Variants in RERGL observed in about 807,000 individuals in gnomAD.
The protein encoded by RERGL is RERG like.
In RERGL, 22 loss-of-function variants were observed where a neutral mutation model predicts 24.7. The ratio of observed to expected loss-of-function variants is 0.89; its 90% confidence interval spans 0.64 to 1.27. RERGL has a LOEUF of 1.27. Among genes scored for constraint, RERGL ranks in the 50% most tolerant of loss-of-function variants. The probability of loss-of-function intolerance (pLI) is 0.00; values close to 1 mark genes in which losing one functional copy is unlikely to be tolerated. For synonymous variants in RERGL, 76 were observed against 82.6 expected (o/e 0.92, Z 0.43); for missense variants, 259 against 235.3 (o/e 1.10, Z -0.66).
intron 3 of RERGL, 78 bp downstream of exon 3, chr12:18,085,542 C>A: frequency 3.2e-6 from 3 of 948,580 alleles, no homozygotes; most frequent in Middle Eastern, 3.0e-4. Flanking sequence ...CACTTACCCC[C>A]ATATAATCTT....
chr12:18,084,753 C>A, intron 3 of RERGL, 88 bp from the exon 4 acceptor site: 1 of 1,056,534 alleles, frequency 9.5e-7, no homozygotes, highest in South Asian at 1.8e-5. Context: ...AGACCCACTT[C>A]CGCTGGAAGA....
intron 1 of RERGL, chr12:18,089,523 C>T: frequency 2.2e-6 from 1 of 456,288 alleles, no homozygotes. Context: ...TATAATGTGA[C>T]CGAAACCAAA....
In RERGL at chr12:18,081,258, G is replaced by C. The variant is rs1947167762; in HGVS notation, c.548C>G (p.Pro183Arg). 7 of 1,613,048 alleles carry C rather than the reference G, an allele frequency of 4.3e-6. No individual in the cohort carries two copies. The highest frequency in any genetic ancestry group is 1.3e-5 in the African/African-American group (1 of 74,884). The stretch of plus-strand genomic sequence containing the variant: ...TTTGGCCATTGATTTAGATCCACTG[G>C]GACGTCTCTTTTCTTTGAGTTTGAA... ...INFKLKEKRRPSGSKSMAKLI... is the reference protein window; with the variant it reads ...INFKLKEKRRRSGSKSMAKLI... The change falls in exon 5 of 5, where the codon CCC (proline) becomes CGC (arginine). Residue 183 changes from proline to arginine, a missense_variant. Coordinates refer to ENST00000538724, the MANE Select transcript of RERGL (RefSeq NM_001286201.2).
chr12:18,089,092 G>C (rs1411642006), intron 1 of RERGL, 136 bp from the exon 2 acceptor site: 1 of 1,118,540 alleles, frequency 8.9e-7, no homozygotes, highest in East Asian at 2.4e-5. Flanking sequence ...ACCAAATTCT[G>C]TTCTAAATAG....
In RERGL at chr12:18,090,096, G is replaced by T. The variant is rs1349797518; in HGVS notation, c.45C>A (p.Gly15=). 2 of 1,532,250 alleles carry T rather than the reference G, an allele frequency of 1.3e-6. No individual in the cohort carries two copies. The highest frequency in any genetic ancestry group is 2.5e-5 in the East Asian group (1 of 40,640). 94.9% of individuals were successfully genotyped at this position (1,532,250 alleles called of 1,614,324 possible). Reference sequence around the variant, plus strand: ...GAAGATGTCACCACTCACCAGATTTGCCTGTTCCTTCACCACCCAAGACAG... The same window carrying T: ...GAAGATGTCACCACTCACCAGATTTTCCTGTTCCTTCACCACCCAAGACAG... ...KLAVLGGEGT[G]KSALTVRFLT... The change falls in exon 1 of 5, where the codon GGC becomes GGA. Residue 15 remains glycine, a synonymous_variant. Coordinates refer to ENST00000538724, the MANE Select transcript of RERGL (RefSeq NM_001286201.2).
intron 2 of RERGL, among the ~76,000 whole-genome samples, chr12:18,087,500 T>A (rs888545041): frequency 3.3e-5 from 5 of 152,198 alleles, no homozygotes; most frequent in African/African-American, 1.2e-4. Flanking sequence ...CTCACATTTT[T>A]AGAATTGTAT....
At chr12:18,085,449 A>G (rs1291688474) in intron 3 of RERGL, among the ~76,000 whole-genome samples, 171 bp downstream of exon 3, 1 of 152,224 alleles carries the variant, frequency 6.6e-6, no homozygotes, top group Middle Eastern at 3.2e-3. Context: ...GGAACTGACA[A>G]CACTAGAAAG....
chr12:18,087,119 T>C (rs997875964), intron 2 of RERGL, among the ~76,000 whole-genome samples: 8 of 152,302 alleles, frequency 5.3e-5, no homozygotes, highest in South Asian at 4.1e-4. Flanking sequence ...CCATCATTAC[T>C]TGCCTAATTT....
In RERGL at chr12:18,081,016, A is replaced by C. The variant is rs1422261660; in HGVS notation, c.*175T>G. Reference sequence around the variant, plus strand: ...TGAAGGAGAGTGAGCAGGGTACAACAACCAAAAAGGCAAACTACATATTTG... The same window carrying C: ...TGAAGGAGAGTGAGCAGGGTACAACCACCAAAAAGGCAAACTACATATTTG... On this transcript the variant is annotated 3_prime_UTR_variant, in exon 5 of 5. Transcript: ENST00000538724. 3 of 581,564 alleles carry C rather than the reference A, an allele frequency of 5.2e-6. No homozygotes were observed. In the African/African-American group the frequency reaches 5.6e-5, roughly 11 times the overall value. 36.0% of individuals were successfully genotyped at this position (581,564 alleles called of 1,614,324 possible). A position where few individuals can be genotyped will look rare whatever the true frequency, so the allele number is the denominator to read the frequency against.
At chr12:18,082,568 A>G (rs1237571722) in intron 4 of RERGL, among the ~76,000 whole-genome samples, 1 of 152,212 alleles carries the variant, frequency 6.6e-6, no homozygotes, top group Non-Finnish European at 1.5e-5. Flanking sequence ...TATACATTAA[A>G]TGATGTACAT....
chr12:18,081,898 TG>T, intron 4 of RERGL, among the ~76,000 whole-genome samples: 1 of 152,296 alleles, frequency 6.6e-6, no homozygotes, highest in South Asian at 2.1e-4. Context: ...CTCAGCACTT[TG>T]GGAGGCCAAG....
At chr12:18,081,733 T>G (rs547725648) in intron 4 of RERGL, among the ~76,000 whole-genome samples, 1 of 152,288 alleles carries the variant, frequency 6.6e-6, no homozygotes, top group South Asian at 2.1e-4. Context: ...GACCTATTAT[T>G]GAATTCTGGT....
intron 2 of RERGL, among the ~76,000 whole-genome samples, chr12:18,087,707 T>C (rs532143465): frequency 1.3e-5 from 2 of 152,320 alleles, no homozygotes; most frequent in South Asian, 4.1e-4. Context: ...AAAGTTTAAG[T>C]TGAGGGCTTT....
At chr12:18,088,450 G>T (rs903785499) in intron 2 of RERGL, among the ~76,000 whole-genome samples, 2 of 151,898 alleles carry the variant, frequency 1.3e-5, no homozygotes, top group African/African-American at 2.4e-5. Context: ...ATAATGATAG[G>T]ATATTTAATC....
Position 18,088,929 on chromosome 12 carries a change from C to G in RERGL, c.80G>C (p.Arg27Pro). The change falls in exon 2 of 5, where the codon CGA (arginine) becomes CCA (proline). Residue 27 changes from arginine (R) to proline (P), a missense_variant. Arg to Pro is a moderately radical substitution (Grantham distance 103, BLOSUM62 -2). Transcript: ENST00000538724. ...ATTAGAAGCATATTCTCCAATGAAT[C>G]GCTTAGTAAGAAACCTCACTGTAAG... ...SALTVRFLTK[R>P]FIGEYASNFE... 6.2e-7 allele frequency: 1 copy of G among 1,610,262 alleles called. No homozygotes were observed. The highest frequency in any genetic ancestry group is 1.7e-5 in the Admixed American group (1 of 59,938).
rs1565488268 is a variant in RERGL at position 18,090,131 on chromosome 12, C to T, written c.10G>A (p.Val4Met). The stretch of plus-strand genomic sequence containing the variant: ...TCACCACCCAAGACAGCAAGCTTCA[C>T]ATCATTCATCTTGCTTTTCTGCTTC... MNDVKLAVLGGEGT... is the reference protein window; with the variant it reads MNDMKLAVLGGEGT... Residue 4 changes from valine to methionine, a missense_variant, in exon 1 of 5, where the codon GTG becomes ATG. Physicochemically the swap from Val to Met is conservative, Grantham distance 21. Transcript: ENST00000538724. 1 of 1,532,542 alleles carries T rather than the reference C, an allele frequency of 6.5e-7. No individual in the cohort carries two copies. The highest frequency in any genetic ancestry group is 8.7e-7 in the Non-Finnish European group (1 of 1,145,418). 94.9% of individuals were successfully genotyped at this position (1,532,542 alleles called of 1,614,324 possible).
chr12:18,088,906 T>C lies in RERGL; in HGVS notation c.103A>G (p.Asn35Asp), dbSNP rs1264134237. The C allele has an allele frequency of 6.2e-7, 1 of 1,601,476 alleles. No individual in the cohort carries two copies. The highest frequency in any genetic ancestry group is 2.2e-5 in the East Asian group (1 of 44,696). Residue 35 changes from asparagine to aspartate, a missense_variant, in exon 2 of 5, where the codon AAT (asparagine) becomes GAT (aspartate). Transcript: ENST00000538724. Reference sequence around the variant, plus strand: ...GTCTAGAGTAGTGACTTACCAAAATTAGAAGCATATTCTCCAATGAATCGC... The same window carrying C: ...GTCTAGAGTAGTGACTTACCAAAATCAGAAGCATATTCTCCAATGAATCGC... Reference protein sequence around the residue: ...TKRFIGEYASNFESIYKKHLC... With the variant: ...TKRFIGEYASDFESIYKKHLC...
chr12:18,088,248 G>T (rs1947238397), intron 2 of RERGL, among the ~76,000 whole-genome samples: 1 of 151,804 alleles, frequency 6.6e-6, no homozygotes, highest in South Asian at 2.1e-4. Context: ...TTGTTTAATT[G>T]GTGAGCCAAA....
In RERGL at chr12:18,090,190, C is replaced by A. The variant is rs992511917; in HGVS notation, c.-50G>T. On this transcript the variant is annotated 5_prime_UTR_variant, in exon 1 of 5. The change creates a new upstream start codon in the 5' untranslated region. Coordinates refer to ENST00000538724, the MANE Select transcript of RERGL (RefSeq NM_001286201.2). ...TCCTATTTTCTGGAACTACACTGCC[C>A]TGTGACAAGCTTTTTTTTAACTTCC... 7.0e-7 allele frequency: 1 copy of A among 1,433,470 alleles called. No homozygotes were observed. Among genetic ancestry groups the A allele is most frequent in the South Asian group, 1.4e-5 (1 of 71,706 alleles). The allele number at this position is 1,433,470 out of a possible 1,614,324, so 88.8% of individuals were successfully genotyped here. A position where few individuals can be genotyped will look rare whatever the true frequency, so the allele number is the denominator to read the frequency against.
Sources: allele counts gnomAD v4.1 joint callset (sites outside exome capture counted in the v4.1 genomes callset), GRCh38; gene constraint gnomAD v4.1.1; transcripts MANE v1.5; gene names NCBI Gene and HGNC (gene_info 2026-07-23, HGNC 2026-07-21).